SLC35G6: variants seen among roughly 807,000 people sequenced by gnomAD.
SLC35G6 encodes the protein acyl-malonyl condensing enzyme 1-like 3.
In SLC35G6, 18 loss-of-function variants were observed where a neutral mutation model predicts 20.3. The observed-to-expected ratio is 0.88, with a 90% CI of 0.61 to 1.31. The LOEUF (loss-of-function observed/expected upper bound fraction) is 1.31. Among genes scored for constraint, SLC35G6 ranks in the 40% most tolerant of loss-of-function variants. The pLI, the probability that SLC35G6 is intolerant of heterozygous loss-of-function variation, is 0.00. For missense variants in SLC35G6, 372 were observed against 433.4 expected (o/e 0.86, Z 1.26); for synonymous variants, 156 against 200.9 (o/e 0.78, Z 1.89).
rs2070354503 is a variant in SLC35G6 at position 7,482,273 on chromosome 17, C to T, written c.289C>T (p.Pro97Ser). Residue 97 changes from proline to serine, a missense_variant, in exon 2 of 2, where the codon CCT becomes TCT. Pro to Ser is a moderately conservative substitution (Grantham distance 74, BLOSUM62 -1). Transcript: ENST00000412468. ...ACTGCGTGGCGACCCCCTTCTGGGA[C>T]CTCCTGACATCCGAGGCCGGGCCTA... Reference protein sequence around the residue: ...LKLRGDPLLGPPDIRGRAYFY... With the variant: ...LKLRGDPLLGSPDIRGRAYFY... 1.9e-6 allele frequency: 3 copies of T among 1,614,048 alleles called. No individual in the cohort carries two copies. The highest frequency in any genetic ancestry group is 1.7e-4 in the Middle Eastern group (1 of 6,056).
Position 7,482,453 on chromosome 17 carries a change from T to A in SLC35G6, c.469T>A (p.Tyr157Asn), listed in dbSNP as rs552862684. ...LCLESQGLSG[Y>N]DWCGLLGSIL... is the part of the protein sequence containing the mutation. Reference sequence around the variant, plus strand: ...CCTTGAGAGCCAGGGTCTCAGTGGCTACGACTGGTGTGGACTGTTGGGCAG... The same window carrying A: ...CCTTGAGAGCCAGGGTCTCAGTGGCAACGACTGGTGTGGACTGTTGGGCAG... The change falls in exon 2 of 2, where the codon TAC (tyrosine) becomes AAC (asparagine). Residue 157 changes from tyrosine to asparagine, a missense_variant. Tyr to Asn is a moderately radical substitution (Grantham distance 143). Coordinates refer to ENST00000412468, the MANE Select transcript of SLC35G6 (RefSeq NM_001102614.2). 8.7e-6 allele frequency: 14 copies of A among 1,614,036 alleles called. 1 individual carries two copies. In the South Asian group the frequency reaches 1.4e-4, roughly 16 times the overall value.
At chr17:7,481,946 GC>G in intron 1 of SLC35G6, 41 bp from the exon 2 acceptor site, 1 of 1,549,010 alleles carries the variant, frequency 6.5e-7, no homozygotes, top group Non-Finnish European at 8.7e-7. Flanking sequence ...GGTCGCCTGG[GC>G]TGCGGCTGCT....
chr17:7,482,492 A>G lies in SLC35G6; in HGVS notation c.508A>G (p.Ile170Val). 6.2e-7 allele frequency: 1 copy of G among 1,613,834 alleles called. No homozygotes were observed. Among genetic ancestry groups the G allele is most frequent in the Non-Finnish European group, 8.5e-7 (1 of 1,179,884 alleles). ...CGLLGSILGL[I>V]IIVGPGLWTL... ...ACTGTTGGGCAGCATCCTAGGACTA[A>G]TCATCATTGTGGGACCTGGACTCTG... The change falls in exon 2 of 2, where the codon ATC becomes GTC. Residue 170 changes from isoleucine to valine, a missense_variant. Ile to Val is a conservative substitution (Grantham distance 29). Transcript: ENST00000412468.
At position 7,482,928 on chromosome 17, in the gene SLC35G6, T is replaced by C. The variant is rs777237673; in HGVS notation, c.944T>C (p.Val315Ala). The change falls in exon 2 of 2, where the codon GTT (valine) becomes GCT (alanine). Residue 315 changes from valine to alanine, a missense_variant. Physicochemically the swap from Val to Ala is moderately conservative, Grantham distance 64. Transcript: ENST00000412468. Reference protein sequence around the residue: ...VAPSDIVGAGVVLGSIAIITA... With the variant: ...VAPSDIVGAGAVLGSIAIITA... ...CCTTCTGACATCGTGGGGGCAGGGG[T>C]TGTGCTGGGCAGCATTGCCATCATC... 17 of 1,611,862 alleles carry C rather than the reference T, an allele frequency of 1.1e-5. No homozygotes were observed. Among genetic ancestry groups the C allele is most frequent in the South Asian group, 6.6e-5 (6 of 90,980 alleles).
In SLC35G6 at chr17:7,482,456, G is replaced by C; in HGVS notation, c.472G>C (p.Asp158His). ...CLESQGLSGYDWCGLLGSILG... is the reference protein window; with the variant it reads ...CLESQGLSGYHWCGLLGSILG... ...TGAGAGCCAGGGTCTCAGTGGCTAC[G>C]ACTGGTGTGGACTGTTGGGCAGCAT... Residue 158 changes from aspartate (D) to histidine (H), a missense_variant, in exon 2 of 2, where the codon GAC becomes CAC. By Grantham distance (81) the Asp-to-His change is moderately conservative. Coordinates refer to ENST00000412468, the MANE Select transcript of SLC35G6 (RefSeq NM_001102614.2). 2.5e-6 allele frequency: 4 copies of C among 1,614,016 alleles called. No homozygotes were observed. Among genetic ancestry groups the C allele is most frequent in the Non-Finnish European group, 3.4e-6 (4 of 1,179,884 alleles).
At chr17:7,481,900 G>A in intron 1 of SLC35G6, 88 bp from the exon 2 acceptor site, 1 of 1,503,420 alleles carries the variant, frequency 6.7e-7, no homozygotes, top group Non-Finnish European at 8.9e-7. Context: ...AGTCCCACAG[G>A]GTCCCAGACC....
chr17:7,482,141 T>G lies in SLC35G6; in HGVS notation c.157T>G (p.Phe53Val), dbSNP rs565658208. ...ALLGGGLPAG[F>V]VGPLSHMAYQ... ...GCTGGGTGGGGGCCTGCCTGCTGGC[T>G]TCGTGGGCCCCCTTTCTCATATGGC... Residue 53 changes from phenylalanine to valine, a missense_variant, in exon 2 of 2, where the codon TTC becomes GTC. Transcript: ENST00000412468. 2.5e-5 allele frequency: 40 copies of G among 1,614,168 alleles called. No homozygotes were observed. The Middle Eastern group carries it at 8.3e-4, about 33-fold the overall frequency.
chr17:7,483,202 G>A lies in SLC35G6; in HGVS notation c.*201G>A. ...CCAGCCTGGGACCAAGGGATGTGGA[G>A]ACCAGGCTGGGTCCTGGAATCAGGG... On this transcript the variant is annotated 3_prime_UTR_variant, in exon 2 of 2. Coordinates refer to ENST00000412468, the MANE Select transcript of SLC35G6 (RefSeq NM_001102614.2). The A allele has an allele frequency of 9.8e-7, 1 of 1,015,836 alleles. No individual in the cohort carries two copies. The highest frequency in any genetic ancestry group is 1.4e-6 in the Non-Finnish European group (1 of 712,372). The allele number at this position is 1,015,836 out of a possible 1,614,324, so 62.9% of individuals were successfully genotyped here. A position where few individuals can be genotyped will look rare whatever the true frequency, so the allele number is the denominator to read the frequency against.
Position 7,483,475 on chromosome 17 carries a change from A to C in SLC35G6, c.*474A>C. The C allele has an allele frequency of 4.2e-6, 1 of 236,658 alleles. No individual in the cohort carries two copies. Among genetic ancestry groups the C allele is most frequent in the Non-Finnish European group, 8.5e-6 (1 of 118,072 alleles). 14.7% of individuals were successfully genotyped at this position (236,658 alleles called of 1,614,324 possible). A position where few individuals can be genotyped will look rare whatever the true frequency, so the allele number is the denominator to read the frequency against. ...GGGTGGTGACGTGACATTGACATCA[A>C]ACAAGGATTACTCTGAATGTGGCTT... On this transcript the variant is annotated 3_prime_UTR_variant, in exon 2 of 2. Coordinates refer to ENST00000412468, the MANE Select transcript of SLC35G6 (RefSeq NM_001102614.2).
rs2070368594 is a variant in SLC35G6 at position 7,483,039 on chromosome 17, G to A, written c.*38G>A. On this transcript the variant is annotated 3_prime_UTR_variant, in exon 2 of 2. Coordinates refer to ENST00000412468, the MANE Select transcript of SLC35G6 (RefSeq NM_001102614.2). The stretch of plus-strand genomic sequence containing the variant: ...GAGCCCGGGGGTTGGGAGGGACAGG[G>A]ATAAATAGAGGCAAAGACTGAAGAC... 1.2e-6 allele frequency: 2 copies of A among 1,611,718 alleles called. No individual in the cohort carries two copies. The highest frequency in any genetic ancestry group is 1.7e-6 in the Non-Finnish European group (2 of 1,179,736).
chr17:7,481,854 C>T (rs1448607120), intron 1 of SLC35G6, 134 bp from the exon 2 acceptor site: 99 of 1,298,236 alleles, frequency 7.6e-5, no homozygotes, highest in Non-Finnish European at 1.0e-4. Flanking sequence ...TTTCTAGCTC[C>T]GAAGAGTTCC....
At position 7,482,639 on chromosome 17, in the gene SLC35G6, C is replaced by T; in HGVS notation, c.655C>T (p.Leu219Phe). ...VYRSLHFPSC[L>F]PTVAFLSGLV... ...TCGTTCTCTGCACTTTCCCTCCTGC[C>T]TCCCAACAGTGGCCTTCCTATCTGG... The change falls in exon 2 of 2, where the codon CTC (leucine) becomes TTC (phenylalanine). Residue 219 changes from leucine to phenylalanine, a missense_variant. Leu to Phe is a conservative substitution (Grantham distance 22). Transcript: ENST00000412468. The T allele has an allele frequency of 6.2e-7, 1 of 1,612,090 alleles. No homozygotes were observed. The highest frequency in any genetic ancestry group is 8.5e-7 in the Non-Finnish European group (1 of 1,179,894).
Position 7,482,889 on chromosome 17 carries a change from A to C in SLC35G6, c.905A>C (p.His302Pro). 1 of 1,611,986 alleles carries C rather than the reference A, an allele frequency of 6.2e-7. No homozygotes were observed. Among genetic ancestry groups the C allele is most frequent in the Non-Finnish European group, 8.5e-7 (1 of 1,179,856 alleles). The change falls in exon 2 of 2, where the codon CAT becomes CCT. Residue 302 changes from histidine (H) to proline (P), a missense_variant. By Grantham distance (77) the His-to-Pro change is moderately conservative (BLOSUM62 -2). Transcript: ENST00000412468. ...VALILQYYML[H>P]ETVAPSDIVG... ...CTTATACTGCAGTATTATATGCTCC[A>C]TGAGACTGTGGCACCTTCTGACATC...
Position 7,483,240 on chromosome 17 carries a change from G to A in SLC35G6, c.*239G>A. ...CCTGGAATCAGGGCATAACTAAGGGGTAAAGTCTGAGGAGCAGATCCAAAC... is the reference window on the plus strand; with the variant it reads ...CCTGGAATCAGGGCATAACTAAGGGATAAAGTCTGAGGAGCAGATCCAAAC... On this transcript the variant is annotated 3_prime_UTR_variant, in exon 2 of 2. Coordinates refer to ENST00000412468, the MANE Select transcript of SLC35G6 (RefSeq NM_001102614.2). The A allele has an allele frequency of 5.2e-6, 4 of 770,404 alleles. No homozygotes were observed. Among genetic ancestry groups the A allele is most frequent in the Non-Finnish European group, 8.0e-6 (4 of 497,492 alleles). The allele number at this position is 770,404 out of a possible 1,614,324, so 47.7% of individuals were successfully genotyped here. A position where few individuals can be genotyped will look rare whatever the true frequency, so the allele number is the denominator to read the frequency against.
At position 7,482,166 on chromosome 17, in the gene SLC35G6, C is replaced by T. The variant is rs2070352935; in HGVS notation, c.182C>T (p.Ala61Val). The change falls in exon 2 of 2, where the codon GCT (alanine) becomes GTT (valine). Residue 61 changes from alanine to valine, a missense_variant. Ala to Val is a moderately conservative substitution (Grantham distance 64). Coordinates refer to ENST00000412468, the MANE Select transcript of SLC35G6 (RefSeq NM_001102614.2). ...TTCGTGGGCCCCCTTTCTCATATGG[C>T]TTACCAGGCTTCCAACCTGCCCTCG... ...AGFVGPLSHM[A>V]YQASNLPSLE... is the part of the protein sequence containing the mutation. The T allele has an allele frequency of 2.5e-6, 4 of 1,614,154 alleles. No homozygotes were observed. Among genetic ancestry groups the T allele is most frequent in the East Asian group, 4.5e-5 (2 of 44,878 alleles).
chr17:7,483,421 C>A lies in SLC35G6; in HGVS notation c.*420C>A, dbSNP rs1487189246. 3.6e-6 allele frequency: 1 copy of A among 274,136 alleles called. No individual in the cohort carries two copies. Among genetic ancestry groups the A allele is most frequent in the Non-Finnish European group, 7.1e-6 (1 of 140,962 alleles). The allele number at this position is 274,136 out of a possible 1,614,324, so 17.0% of individuals were successfully genotyped here. ...ACCCCTCCCCTCACGGCAAAGGTTTCCTTTCCTCGTGCTTGTGCCCCCCCC... is the reference window on the plus strand; with the variant it reads ...ACCCCTCCCCTCACGGCAAAGGTTTACTTTCCTCGTGCTTGTGCCCCCCCC... On this transcript the variant is annotated 3_prime_UTR_variant, in exon 2 of 2. Transcript: ENST00000412468.
chr17:7,482,566 G>T lies in SLC35G6; in HGVS notation c.582G>T (p.Gly194=), dbSNP rs373201512. The T allele has an allele frequency of 6.6e-5, 106 of 1,612,330 alleles. No individual in the cohort carries two copies. The highest frequency in any genetic ancestry group is 8.7e-5 in the Non-Finnish European group (103 of 1,179,948). ...ITGVYTALGY[G]QAFVGGLALS... is the part of the protein sequence containing the mutation. ...GTGTCTACACCGCCCTGGGCTATGG[G>T]CAGGCTTTCGTGGGAGGACTGGCGC... The change falls in exon 2 of 2, where the codon GGG becomes GGT. Residue 194 remains glycine, a synonymous_variant. Transcript: ENST00000412468.
Position 7,483,092 on chromosome 17 carries a change from A to G in SLC35G6, c.*91A>G. On this transcript the variant is annotated 3_prime_UTR_variant, in exon 2 of 2. Transcript: ENST00000412468. Reference sequence around the variant, plus strand: ...ACATGGGAGGAGAAGTGACTGGAAAAGAACTGGTGTGGGAGAGGGATACCT... The same window carrying G: ...ACATGGGAGGAGAAGTGACTGGAAAGGAACTGGTGTGGGAGAGGGATACCT... 1 of 1,573,580 alleles carries G rather than the reference A, an allele frequency of 6.4e-7. No individual in the cohort carries two copies. Among genetic ancestry groups the G allele is most frequent in the South Asian group, 1.2e-5 (1 of 86,928 alleles).
rs755128115 is a variant in SLC35G6 at position 7,482,211 on chromosome 17, G to A, written c.227G>A (p.Arg76Gln). Residue 76 changes from arginine (R) to glutamine (Q), a missense_variant, in exon 2 of 2, where the codon CGA becomes CAA. Transcript: ENST00000412468. ...NLPSLELLIC[R>Q]CLFHLPIALL... Reference sequence around the variant, plus strand: ...CCCTCGCTGGAGCTGCTCATCTGTCGATGCCTCTTCCACCTCCCTATTGCC... The same window carrying A: ...CCCTCGCTGGAGCTGCTCATCTGTCAATGCCTCTTCCACCTCCCTATTGCC... 6.8e-6 allele frequency: 11 copies of A among 1,613,964 alleles called. No homozygotes were observed. The highest frequency in any genetic ancestry group is 5.9e-6 in the Non-Finnish European group (7 of 1,179,862).
Sources: gnomAD v4.1 joint callset for allele counts on GRCh38, gnomAD v4.1.1 for gene constraint, MANE v1.5 for transcripts, NCBI Gene and HGNC (gene_info 2026-07-23, HGNC 2026-07-21) for gene names.